ENOX2: variants seen among roughly 807,000 people sequenced by gnomAD.
ENOX2 encodes ecto-NOX disulfide-thiol exchanger 2.
A neutral mutation model predicts 45.0 loss-of-function variants in ENOX2; 36 were observed. The observed-to-expected ratio is 0.80, with a 90% CI of 0.61 to 1.06. ENOX2 has a LOEUF of 1.06. ENOX2 is among the 50% of genes least tolerant of loss of function. ENOX2 has a pLI of 0.00. For synonymous variants in ENOX2, 174 were observed against 152.3 expected, an observed-to-expected ratio of 1.14 and a Z score of -1.05; for missense variants, 423 against 462.5, an observed-to-expected ratio of 0.91 and a Z score of 0.78.
intron 3 of ENOX2, among the ~76,000 whole-genome samples, chrX:130,774,575 G>T (rs1394698431): frequency 8.9e-6 from 1 of 112,200 alleles, no homozygotes; most frequent in Non-Finnish European, 1.9e-5. Context: ...GCTATTAGTA[G>T]TAGTAGTAAA....
chrX:130,809,744 C>CGT (rs764867428), intron 2 of ENOX2, among the ~76,000 whole-genome samples: 44 of 108,068 alleles, frequency 4.1e-4, no homozygotes, highest in East Asian at 1.2e-3. Context: ...AAATGTGTGT[C>CGT]GTGTGTGTGT....
intron 9 of ENOX2, among the ~76,000 whole-genome samples, chrX:130,660,833 G>C (rs1027582016): frequency 3.6e-5 from 4 of 112,242 alleles, no homozygotes; most frequent in Non-Finnish European, 7.5e-5. Context: ...ACAATGAACT[G>C]TTAGTGATTT....
intron 4 of ENOX2, among the ~76,000 whole-genome samples, chrX:130,702,577 T>C (rs1872429450): frequency 8.9e-6 from 1 of 112,032 alleles, no homozygotes; most frequent in Non-Finnish European, 1.9e-5. Flanking sequence ...ATGTTCTGCT[T>C]CTCATTTTAT....
chrX:130,817,178 T>TA (rs1405161425), intron 2 of ENOX2, among the ~76,000 whole-genome samples: 1 of 111,756 alleles, frequency 8.9e-6, no homozygotes, highest in Non-Finnish European at 1.9e-5. Context: ...AACAAATGGA[T>TA]AAATTGCTGA....
intron 3 of ENOX2, 57 bp downstream of exon 3, chrX:130,783,490 C>T: frequency 3.1e-6 from 1 of 318,575 alleles, no homozygotes; most frequent in South Asian, 2.8e-5. Context: ...ATACTAGGCT[C>T]TGGGAAAATG....
intron 2 of ENOX2, among the ~76,000 whole-genome samples, chrX:130,825,477 A>C (rs780231140): frequency 3.6e-5 from 4 of 111,528 alleles, no homozygotes; most frequent in Non-Finnish European, 5.7e-5. Flanking sequence ...GGCTGGAAAC[A>C]AATACAGAAA....
intron 11 of ENOX2, among the ~76,000 whole-genome samples, chrX:130,636,447 A>T (rs2035934637): frequency 8.9e-6 from 1 of 112,294 alleles, no homozygotes; most frequent in African/African-American, 3.2e-5. Flanking sequence ...TTTAAGATGT[A>T]AGGACAATGG....
At chrX:130,669,140 G>C (rs1432276649) in intron 7 of ENOX2, among the ~76,000 whole-genome samples, 1 of 112,051 alleles carries the variant, frequency 8.9e-6, no homozygotes, top group Non-Finnish European at 1.9e-5. Context: ...GAGAACACAA[G>C]AAGCAGGGAA....
At chrX:130,633,060 T>C (rs2035823899) in intron 12 of ENOX2, among the ~76,000 whole-genome samples, 1 of 112,211 alleles carries the variant, frequency 8.9e-6, no homozygotes, top group African/African-American at 3.2e-5. Context: ...CTGACTTCAA[T>C]TTTATTATAG....
intron 5 of ENOX2, among the ~76,000 whole-genome samples, chrX:130,684,675 G>A (rs2037399602): frequency 8.9e-6 from 1 of 111,974 alleles, no homozygotes. Flanking sequence ...TCTAAGTGCT[G>A]GTGATACATC....
At chrX:130,634,950 G>A (rs771068103) in intron 12 of ENOX2, 34 bp downstream of exon 12, 51 of 778,385 alleles carry the variant, frequency 6.6e-5, no homozygotes, top group Non-Finnish European at 9.8e-5. Flanking sequence ...TAGGTAAAGG[G>A]GCAAGGAAAA....
chrX:130,737,364 T>C (rs1446601584), intron 3 of ENOX2, among the ~76,000 whole-genome samples: 1 of 112,421 alleles, frequency 8.9e-6, no homozygotes, highest in Non-Finnish European at 1.9e-5. Context: ...TGCAGTTTCT[T>C]AAAGCAGTTT....
At chrX:130,825,114 T>C (rs990335502) in intron 2 of ENOX2, among the ~76,000 whole-genome samples, 21 of 111,110 alleles carry the variant, frequency 1.9e-4, no homozygotes, top group African/African-American at 6.9e-4. Flanking sequence ...ATCTGAGACA[T>C]CCATCAACAA....
chrX:130,773,419 G>A (rs2039785963), intron 3 of ENOX2, among the ~76,000 whole-genome samples: 1 of 111,908 alleles, frequency 8.9e-6, no homozygotes. Flanking sequence ...CCAAGCCTCA[G>A]GTTTTTAAAA....
intron 2 of ENOX2, among the ~76,000 whole-genome samples, chrX:130,798,899 T>C (rs1434091883): frequency 1.8e-5 from 2 of 112,428 alleles, no homozygotes; most frequent in African/African-American, 6.5e-5. Context: ...GAATGTGGTT[T>C]GCCGATGTCA....
rs2035503097 is a variant in ENOX2 at position 130,624,903 on chromosome X, C to A, written c.*411G>T. Reference sequence around the variant, plus strand: ...CTTAGTGCTGCTCTCATGCCTTTCACCAGTAACAACATTAATGTAAAGAGA... The same window carrying A: ...CTTAGTGCTGCTCTCATGCCTTTCAACAGTAACAACATTAATGTAAAGAGA... On this transcript the variant is annotated 3_prime_UTR_variant, in exon 15 of 15. Transcript: ENST00000394363. 1.6e-5 allele frequency: 2 copies of A among 121,560 alleles called. No homozygotes were observed. The highest frequency in any genetic ancestry group is 6.5e-5 in the African/African-American group (2 of 30,797). The allele number at this position is 121,560 out of a possible 1,213,427, so 10.0% of individuals were successfully genotyped here.
At chrX:130,822,558 C>A (rs899498308) in intron 2 of ENOX2, among the ~76,000 whole-genome samples, 1 of 110,008 alleles carries the variant, frequency 9.1e-6, no homozygotes, top group East Asian at 2.9e-4. Context: ...GTTCTCACTC[C>A]TAGGTGGGAA....
intron 2 of ENOX2, among the ~76,000 whole-genome samples, chrX:130,828,785 G>A (rs1679868400): frequency 9.0e-6 from 1 of 111,533 alleles, no homozygotes; most frequent in Admixed American, 9.5e-5. Context: ...TCATCAAGGA[G>A]CTCAAAGATT....
intron 10 of ENOX2, among the ~76,000 whole-genome samples, chrX:130,653,089 T>C (rs1295082771): frequency 2.7e-5 from 3 of 112,032 alleles, no homozygotes; most frequent in Non-Finnish European, 5.6e-5. Context: ...GCTTTTTCCT[T>C]TTCTTAATCA....
Sources: allele counts gnomAD v4.1 joint callset (sites outside exome capture counted in the v4.1 genomes callset), GRCh38; gene constraint gnomAD v4.1.1; transcripts MANE v1.5; gene names NCBI Gene and HGNC (gene_info 2026-07-23, HGNC 2026-07-21).